Variants in GMDS observed in about 807,000 individuals in gnomAD.
The protein encoded by GMDS is GDP-mannose 4,6-dehydratase, also known as GDP-mannose 4,6 dehydratase.
Under a neutral mutation model 49.9 loss-of-function variants are expected in GMDS, and 20 were observed. The observed-to-expected ratio is 0.40, with a 90% CI of 0.28 to 0.58. The LOEUF (loss-of-function observed/expected upper bound fraction) is 0.58. Ranked by LOEUF, GMDS falls within the 20% of genes least tolerant of loss-of-function variation. The probability of loss-of-function intolerance (pLI) is 0.42; values close to 1 mark genes in which losing one functional copy is unlikely to be tolerated. For missense variants in GMDS, 362 were observed against 481.4 expected (o/e 0.75, Z 2.32); for synonymous variants, 177 against 178.6 (o/e 0.99, Z 0.07).
chr6:1,668,064 A>C (rs559383220), intron 9 of GMDS, among the ~76,000 whole-genome samples: 1 of 152,332 alleles, frequency 6.6e-6, no homozygotes, highest in Non-Finnish European at 1.5e-5. Flanking sequence ...CTAATATTTC[A>C]ATAAAACTTA....
At chr6:1,743,393 AT>A (rs869219614) in intron 7 of GMDS, among the ~76,000 whole-genome samples, 1 of 51,114 alleles carries the variant, frequency 2.0e-5, no homozygotes, top group Non-Finnish European at 4.8e-5. Context: ...TACAAAAAAA[AT>A]TAGCCGGGCG....
chr6:1,768,310 A>G (rs1053211152), intron 7 of GMDS, among the ~76,000 whole-genome samples: 2 of 152,366 alleles, frequency 1.3e-5, no homozygotes, highest in South Asian at 4.1e-4. Flanking sequence ...AATATTTAGA[A>G]CGACAGTATA....
At chr6:2,206,611 G>A (rs1390415903) in intron 1 of GMDS, among the ~76,000 whole-genome samples, 6 of 152,166 alleles carry the variant, frequency 3.9e-5, no homozygotes, top group Non-Finnish European at 2.9e-5. Flanking sequence ...ACCACTTTGA[G>A]TATCAAGATG....
At chr6:2,055,737 T>G in intron 4 of GMDS, among the ~76,000 whole-genome samples, 1 of 152,162 alleles carries the variant, frequency 6.6e-6, no homozygotes, top group Non-Finnish European at 1.5e-5. Flanking sequence ...ATCAGGATAG[T>G]CAGTATAGCA....
chr6:1,824,964 C>T (rs1237418019), intron 7 of GMDS, among the ~76,000 whole-genome samples: 1 of 152,202 alleles, frequency 6.6e-6, no homozygotes, highest in African/African-American at 2.4e-5. Flanking sequence ...GGGCACCCAG[C>T]ACGGTGCCTT....
At chr6:1,992,410 C>T (rs1436846686) in intron 4 of GMDS, among the ~76,000 whole-genome samples, 2 of 152,196 alleles carry the variant, frequency 1.3e-5, no homozygotes, top group Non-Finnish European at 2.9e-5. Flanking sequence ...GTCTTCTCTG[C>T]TCCACTGCCA....
intron 4 of GMDS, among the ~76,000 whole-genome samples, chr6:2,114,467 C>T (rs1774730829): frequency 6.6e-6 from 1 of 152,178 alleles, no homozygotes; most frequent in Non-Finnish European, 1.5e-5. Context: ...TTCTCAAGCA[C>T]ACAGTATGCA....
At position 1,944,602 on chromosome 6, in the gene GMDS, G is replaced by A. The variant is rs11968065; in HGVS notation, c.644-14372C>T. Among the ~76,000 whole-genome samples the A allele has an allele frequency of 6.0e-3, 907 of 150,266 alleles. 5 individuals are homozygous for A. Among genetic ancestry groups the A allele is most frequent in the African/African-American group, 0.021 (860 of 40,770 alleles). On this transcript the variant is annotated intron_variant, in intron 6 of 10. Coordinates refer to ENST00000380815, the MANE Select transcript of GMDS (RefSeq NM_001500.4). ...GGAGAATGGCGTGAACCCAGGAAGC[G>A]GAGCTTGCAGTGAGCCGAGATCGTG... is the stretch of plus-strand genomic sequence containing the variant.
chr6:2,237,775 G>A (rs1781432312), intron 1 of GMDS, among the ~76,000 whole-genome samples: 1 of 152,090 alleles, frequency 6.6e-6, no homozygotes, highest in African/African-American at 2.4e-5. Context: ...ACCCACCTTG[G>A]CCTCCCAAAG....
chr6:2,164,115 G>A (rs1181315215), intron 1 of GMDS, among the ~76,000 whole-genome samples: 2 of 152,104 alleles, frequency 1.3e-5, no homozygotes, highest in African/African-American at 2.4e-5. Context: ...CCAACCCAAC[G>A]TACTATTAGA....
chr6:2,052,143 A>AAAAAAAAAAAAAAAAAAAAAAAAAC (rs1770453878), intron 4 of GMDS, among the ~76,000 whole-genome samples: 1 of 148,928 alleles, frequency 6.7e-6, no homozygotes, highest in Non-Finnish European at 1.5e-5. Context: ...AAAAAAAAAA[A>AAAAAAAAAAAAAAAAAAAAAAAAAC]CAGAAAAGAA....
chr6:1,983,382 A>T (rs1765335907), intron 4 of GMDS, among the ~76,000 whole-genome samples: 1 of 152,236 alleles, frequency 6.6e-6, no homozygotes, highest in Non-Finnish European at 1.5e-5. Flanking sequence ...GAGAAATTGT[A>T]TCTAATTAAA....
intron 7 of GMDS, among the ~76,000 whole-genome samples, chr6:1,846,318 C>T (rs1325432601): frequency 6.6e-6 from 1 of 151,988 alleles, no homozygotes; most frequent in African/African-American, 2.4e-5. Flanking sequence ...GTCTTGAACT[C>T]CTGGGCTCAA....
rs200263913 is a variant in GMDS, at chr6:1,778,845, G to GTT, written c.772-36261_772-36260dup. Among the ~76,000 whole-genome samples, 3 of 149,212 alleles carry GTT rather than the reference G, an allele frequency of 2.0e-5. No homozygotes were observed. Among genetic ancestry groups the GTT allele is most frequent in the Non-Finnish European group, 4.5e-5 (3 of 67,050 alleles). ...AGAACTTGGCCCCTTGCATTTTCTT[G>GTT]TTTTTTTTTTCTCTTATAGCAGAAA... On this transcript the variant is annotated intron_variant, in intron 7 of 10. Coordinates refer to ENST00000380815, the MANE Select transcript of GMDS (RefSeq NM_001500.4). The surrounding 1 kb of genome is among the most constrained non-coding windows in gnomAD (Gnocchi z 4.6).
Position 1,930,070 on chromosome 6 carries a change from G to T in GMDS, c.771+33C>A, listed in dbSNP as rs745781757. The T allele has an allele frequency of 1.9e-6, 3 of 1,573,708 alleles. No homozygotes were observed. The Admixed American group carries it at 5.2e-5, about 27-fold the overall frequency. On this transcript the variant is annotated intron_variant, in intron 7 of 10. Transcript: ENST00000380815. ...GCATTTAGAATATCAATGGATACGG[G>T]TATTTTCAAGAATGTAATGTGTCAG... is the stretch of plus-strand genomic sequence containing the variant.
At chr6:1,709,641 T>C (rs1210075455) in intron 9 of GMDS, among the ~76,000 whole-genome samples, 1 of 152,202 alleles carries the variant, frequency 6.6e-6, no homozygotes, top group Non-Finnish European at 1.5e-5. Flanking sequence ...GTAACGTGGG[T>C]GGGCCTTGGC....
intron 7 of GMDS, among the ~76,000 whole-genome samples, chr6:1,800,944 A>G (rs1243936276): frequency 6.6e-6 from 1 of 152,210 alleles, no homozygotes; most frequent in African/African-American, 2.4e-5. Flanking sequence ...TGGAGGAGCG[A>G]ACTCTGGTTA....
At chr6:2,231,290 G>A (rs1781097701) in intron 1 of GMDS, among the ~76,000 whole-genome samples, 2 of 152,106 alleles carry the variant, frequency 1.3e-5, no homozygotes, top group South Asian at 4.1e-4. Flanking sequence ...AGGAACAGTG[G>A]CTCACACCTG....
At chr6:1,713,566 C>T (rs560547409) in intron 9 of GMDS, among the ~76,000 whole-genome samples, 2 of 152,092 alleles carry the variant, frequency 1.3e-5, no homozygotes, top group South Asian at 4.1e-4. Context: ...GATAATATTT[C>T]GTCTTGCCAA....
Sources: allele counts gnomAD v4.1 joint callset (sites outside exome capture counted in the v4.1 genomes callset), GRCh38; gene constraint gnomAD v4.1.1; non-coding constraint Gnocchi (gnomAD v3.1); transcripts MANE v1.5; gene names NCBI Gene and HGNC (gene_info 2026-07-23, HGNC 2026-07-21).